Variants in LRP1B observed in about 807,000 individuals in gnomAD.
LRP1B encodes the protein LDL receptor related protein 1B, also known as low-density lipoprotein receptor-related protein 1B.
In LRP1B, 217 loss-of-function variants were observed where a neutral mutation model predicts 556.6. That is an observed-to-expected ratio of 0.39 (90% CI 0.35 to 0.44). LRP1B has a LOEUF of 0.44. Ranked by LOEUF, LRP1B falls within the 20% of genes least tolerant of loss-of-function variation. The pLI is 1.00. For missense variants in LRP1B, 5,053 were observed against 5,620.8 expected (o/e 0.90, Z 3.23); for synonymous variants, 2,047 against 1,865.8 (o/e 1.10, Z -2.50).
chr2:141,027,451 C>T (rs1365629155), intron 11 of LRP1B, among the ~76,000 whole-genome samples: 1 of 151,824 alleles, frequency 6.6e-6, no homozygotes, highest in Non-Finnish European at 1.5e-5. Flanking sequence ...TGATGACTAA[C>T]AATGTAGAGA....
intron 3 of LRP1B, among the ~76,000 whole-genome samples, chr2:141,332,727 T>TAC (rs1687703050): frequency 1.3e-5 from 2 of 149,272 alleles, no homozygotes; most frequent in African/African-American, 4.9e-5. Context: ...TATTTTTTTA[T>TAC]ATATATATAT....
chr2:141,467,839 C>CGTGTG, intron 3 of LRP1B, among the ~76,000 whole-genome samples: 1 of 57,188 alleles, frequency 1.7e-5, no homozygotes, highest in African/African-American at 4.4e-5. Context: ...GTTTGCGGAC[C>CGTGTG]GGGGGGGGGG....
intron 6 of LRP1B, among the ~76,000 whole-genome samples, chr2:141,219,142 G>A (rs548240060): frequency 4.9e-4 from 75 of 152,194 alleles, no homozygotes; most frequent in Non-Finnish European, 6.6e-4. Context: ...ACTGAGAGCT[G>A]TGCAATCCAA....
At chr2:140,797,889 A>G (rs941106970) in intron 32 of LRP1B, among the ~76,000 whole-genome samples, 4 of 152,232 alleles carry the variant, frequency 2.6e-5, no homozygotes, top group Admixed American at 2.0e-4. Context: ...TCGCTTCCTT[A>G]TGTGTTCTTC....
At chr2:141,643,623 A>G (rs1689426535) in intron 2 of LRP1B, among the ~76,000 whole-genome samples, 1 of 152,150 alleles carries the variant, frequency 6.6e-6, no homozygotes, top group African/African-American at 2.4e-5. Context: ...GGGAAAGAGG[A>G]GTTTCCAGTA....
intron 1 of LRP1B, among the ~76,000 whole-genome samples, chr2:141,847,972 CA>C (rs1237905805): frequency 6.6e-6 from 1 of 151,018 alleles, no homozygotes; most frequent in East Asian, 1.9e-4. Context: ...ATAATATTTA[CA>C]AAATAGAAAA....
chr2:141,429,609 T>A (rs1270999063), intron 3 of LRP1B, among the ~76,000 whole-genome samples: 2 of 152,182 alleles, frequency 1.3e-5, no homozygotes, highest in Non-Finnish European at 2.9e-5. Flanking sequence ...CCAGCATCCA[T>A]GAACTATTCT....
At chr2:140,614,038 T>G (rs916691839) in intron 41 of LRP1B, among the ~76,000 whole-genome samples, 10 of 152,170 alleles carry the variant, frequency 6.6e-5, no homozygotes, top group African/African-American at 1.9e-4. Context: ...TAACTTCGAT[T>G]ATTGAAAGCT....
At chr2:140,877,634 C>T (rs1207888654) in intron 25 of LRP1B, among the ~76,000 whole-genome samples, 1 of 152,146 alleles carries the variant, frequency 6.6e-6, no homozygotes, top group East Asian at 1.9e-4. Flanking sequence ...ATGCATTTGC[C>T]TTCTTTACAG....
Position 140,907,101 on chromosome 2 carries a change from C to G in LRP1B, c.3520+776G>C, listed in dbSNP as rs938272015. On this transcript the variant is annotated intron_variant, in intron 22 of 90. Transcript: ENST00000389484. ...TTCAATCAGTCAGCTTCATTATTTC[C>G]TAAAGTCATTTTCTCACAGCCTCAA... 3.3e-5 allele frequency among the ~76,000 whole-genome samples: 5 copies of G among 151,932 alleles called. No individual in the cohort carries two copies. The East Asian group carries it at 9.7e-4, about 30-fold the overall frequency.
chr2:140,602,195 CTAA>C (rs945886039), intron 41 of LRP1B, among the ~76,000 whole-genome samples: 5 of 117,526 alleles, frequency 4.3e-5, no homozygotes, highest in Non-Finnish European at 5.6e-5. Flanking sequence ...TTCTATCCAA[CTAA>C]TGAGATAAAA....
intron 27 of LRP1B, among the ~76,000 whole-genome samples, chr2:140,857,585 T>C (rs1207701615): frequency 6.6e-6 from 1 of 152,124 alleles, no homozygotes; most frequent in African/African-American, 2.4e-5. Context: ...ATGCTTTACT[T>C]TCACCAGATT....
chr2:141,789,669 G>A (rs1014496573), intron 2 of LRP1B, among the ~76,000 whole-genome samples: 10 of 151,966 alleles, frequency 6.6e-5, no homozygotes, highest in African/African-American at 2.4e-4. Flanking sequence ...CTGCTAGAGA[G>A]CTGTTTATAC....
intron 29 of LRP1B, among the ~76,000 whole-genome samples, chr2:140,843,077 T>TTTTG (rs1559151570): frequency 4.7e-5 from 1 of 21,430 alleles, no homozygotes; most frequent in African/African-American, 1.3e-4. Flanking sequence ...GTTTTTTTTT[T>TTTTG]TTTGTTTGTT....
At chr2:140,896,126 G>A (rs1286120783) in intron 23 of LRP1B, among the ~76,000 whole-genome samples, 1 of 151,886 alleles carries the variant, frequency 6.6e-6, no homozygotes, top group Non-Finnish European at 1.5e-5. Context: ...CATATTTTAG[G>A]TGGTCCTAAA....
chr2:140,683,728 C>T lies in LRP1B; in HGVS notation c.6799+16522G>A, dbSNP rs1211274938. The T allele has an allele frequency of 5.9e-5, 48 of 809,050 alleles. No homozygotes were observed. The East Asian group carries it at 1.1e-3, about 19-fold the overall frequency. 50.1% of individuals were successfully genotyped at this position (809,050 alleles called of 1,614,324 possible). ...GTCATTAGAGACACTCTGTGCTCCC[C>T]GGGCTAGTCGATCCATAGCCTTCTC... On this transcript the variant is annotated intron_variant, in intron 41 of 90. Coordinates refer to ENST00000389484, the MANE Select transcript of LRP1B (RefSeq NM_018557.3).
At chr2:141,431,928 T>A (rs950230678) in intron 3 of LRP1B, among the ~76,000 whole-genome samples, 4 of 152,114 alleles carry the variant, frequency 2.6e-5, no homozygotes, top group Non-Finnish European at 4.4e-5. Flanking sequence ...TTTACTTTTT[T>A]AAATCTGTAT....
At chr2:141,808,896 T>C (rs1388504001) in intron 2 of LRP1B, among the ~76,000 whole-genome samples, 2 of 152,248 alleles carry the variant, frequency 1.3e-5, no homozygotes, top group East Asian at 3.9e-4. Flanking sequence ...GTTTTCCAGG[T>C]TCATCCATGT....
At chr2:140,784,345 C>T (rs868184545) in intron 32 of LRP1B, among the ~76,000 whole-genome samples, 4 of 140,022 alleles carry the variant, frequency 2.9e-5, no homozygotes, top group East Asian at 2.4e-4. Flanking sequence ...ACCAATGCTC[C>T]GAAGAAAGAG....
Sources: gnomAD v4.1 joint callset for allele counts (sites outside exome capture counted in the v4.1 genomes callset) on GRCh38, gnomAD v4.1.1 for gene constraint, MANE v1.5 for transcripts, NCBI Gene and HGNC (gene_info 2026-07-23, HGNC 2026-07-21) for gene names.